The following WDR5 variants were observed in gnomAD, a reference collection of about 807,000 sequenced individuals.
WDR5 encodes the protein WD repeat domain 5, also known as WD repeat-containing protein 5.
For missense variants in WDR5, 187 were observed against 416.9 expected, an observed-to-expected ratio of 0.45 and a Z score of 4.80; for synonymous variants, 144 against 161.6, an observed-to-expected ratio of 0.89 and a Z score of 0.83.
At chr9:134,140,121 T>G (rs1831804699) in intron 2 of WDR5, among the ~76,000 whole-genome samples, 163 bp downstream of exon 2, 1 of 152,248 alleles carries the variant, frequency 6.6e-6, no homozygotes, top group Non-Finnish European at 1.5e-5. Flanking sequence ...TTGCCTGCTG[T>G]GTCAGGGATC....
rs1326252877 is a variant in WDR5 at position 134,156,600 on chromosome 9, G to A, written c.904+7G>A. On this transcript the variant is annotated splice_region_variant and intron_variant, in intron 13 of 13. Transcript: ENST00000358625. ...AAACTACAAGGCCACACAGGTGAGG[G>A]CCTGCGCTCCTGCAGTCACTGGCTG... 1 of 1,614,034 alleles carries A rather than the reference G, an allele frequency of 6.2e-7. No homozygotes were observed. Among genetic ancestry groups the A allele is most frequent in the South Asian group, 1.1e-5 (1 of 91,080 alleles).
At chr9:134,141,632 C>A in intron 4 of WDR5, 49 bp downstream of exon 4, 2 of 1,594,604 alleles carry the variant, frequency 1.3e-6, no homozygotes, top group Non-Finnish European at 8.6e-7. Context: ...CAGGGTGGCT[C>A]TAGTGATCAA....
At chr9:134,149,872 C>T (rs968998810) in intron 8 of WDR5, among the ~76,000 whole-genome samples, 1 of 152,152 alleles carries the variant, frequency 6.6e-6, no homozygotes, top group Admixed American at 6.5e-5. Context: ...AGCAGTGCCT[C>T]GGCTCCAGCA....
intron 7 of WDR5, among the ~76,000 whole-genome samples, chr9:134,146,057 C>T (rs1173802311): frequency 2.6e-5 from 4 of 151,536 alleles, no homozygotes; most frequent in African/African-American, 7.3e-5. Flanking sequence ...CTCCACCTCC[C>T]GGGTTCACGC....
chr9:134,141,079 C>T (rs1335719146), intron 3 of WDR5, among the ~76,000 whole-genome samples: 2 of 151,978 alleles, frequency 1.3e-5, no homozygotes, highest in Non-Finnish European at 2.9e-5. Context: ...GTCAGGAGTT[C>T]GAGAGCAGCC....
In WDR5 at chr9:134,155,340, C is replaced by G; in HGVS notation, c.708C>G (p.Asn236Lys). ...CCTCACCCCTCTCTCTGTCTTGCAG[C>G]ACTCTGAAGCTCTGGGACTACAGCA... ...GKYILAATLD[N>K]TLKLWDYSKG... Residue 236 changes from asparagine to lysine, a missense_variant and splice_region_variant, in exon 11 of 14, where the codon AAC becomes AAG. Physicochemically the swap from Asn to Lys is moderately conservative, Grantham distance 94. Coordinates refer to ENST00000358625, the MANE Select transcript of WDR5 (RefSeq NM_017588.3). 10 of 1,605,112 alleles carry G rather than the reference C, an allele frequency of 6.2e-6. No homozygotes were observed. The highest frequency in any genetic ancestry group is 8.5e-6 in the Non-Finnish European group (10 of 1,176,400).
intron 3 of WDR5, 38 bp downstream of exon 3, chr9:134,140,849 G>C: frequency 6.3e-7 from 1 of 1,585,702 alleles, no homozygotes; most frequent in Admixed American, 1.7e-5. Flanking sequence ...TGGGAGAGGC[G>C]GTCTGAGCTG....
At chr9:134,156,143 A>G (rs558652917) in intron 12 of WDR5, among the ~76,000 whole-genome samples, 1 of 152,334 alleles carries the variant, frequency 6.6e-6, no homozygotes, top group African/African-American at 2.4e-5. Context: ...GCCCACCCAC[A>G]CTGGTCTCGA....
chr9:134,142,147 A>G lies in WDR5; in HGVS notation c.354+109A>G, dbSNP rs574583275. 94 of 609,800 alleles carry G rather than the reference A, an allele frequency of 1.5e-4. No homozygotes were observed. The East Asian group carries it at 5.1e-3, about 33-fold the overall frequency. 37.8% of individuals were successfully genotyped at this position (609,800 alleles called of 1,614,324 possible). A position where few individuals can be genotyped will look rare whatever the true frequency, so the allele number is the denominator to read the frequency against. On this transcript the variant is annotated intron_variant, in intron 5 of 13. Coordinates refer to ENST00000358625, the MANE Select transcript of WDR5 (RefSeq NM_017588.3). ...TAAGCAACACTCAGCGCTCCTCTCC[A>G]GGGAAGACTGGCTGCAGGGGCATGG... is the stretch of plus-strand genomic sequence containing the variant.
intron 8 of WDR5, among the ~76,000 whole-genome samples, chr9:134,149,310 G>T (rs987130020): frequency 7.2e-5 from 11 of 152,242 alleles, no homozygotes; most frequent in Admixed American, 6.5e-4. Context: ...GCCTCGCAAG[G>T]TTCAAGCTGC....
intron 2 of WDR5, among the ~76,000 whole-genome samples, chr9:134,140,201 C>T (rs1001777975): frequency 6.6e-6 from 1 of 152,186 alleles, no homozygotes; most frequent in Non-Finnish European, 1.5e-5. Context: ...TTGTAAGAGT[C>T]TCTGTAGGAA....
intron 4 of WDR5, 36 bp from the exon 5 acceptor site, chr9:134,141,913 C>G (rs756762190): frequency 1.1e-5 from 18 of 1,594,792 alleles, no homozygotes; most frequent in Non-Finnish European, 3.4e-6. Flanking sequence ...CCTATTTTGT[C>G]CTGTCAAGTT....
At chr9:134,156,265 A>G (rs1021692013) in intron 12 of WDR5, among the ~76,000 whole-genome samples, 2 of 152,364 alleles carry the variant, frequency 1.3e-5, no homozygotes, top group Admixed American at 1.3e-4. Context: ...TGGGGCAGGC[A>G]GGTGCCTGGC....
At chr9:134,145,096 G>GTTTTTTGTTTTTTTTTT (rs1316019740) in intron 7 of WDR5, among the ~76,000 whole-genome samples, 5 of 104,720 alleles carry the variant, frequency 4.8e-5, no homozygotes, top group Admixed American at 1.3e-4. Context: ...GTGGGGCTTT[G>GTTTTTTGTTTTTTTTTT]TTTTTTTTTT....
At chr9:134,145,096 G>GTTTTTTGTTTTTTTT (rs1316019740) in intron 7 of WDR5, among the ~76,000 whole-genome samples, 15 of 104,664 alleles carry the variant, frequency 1.4e-4, no homozygotes, top group African/African-American at 2.4e-4. Flanking sequence ...GTGGGGCTTT[G>GTTTTTTGTTTTTTTT]TTTTTTTTTT....
chr9:134,152,128 C>T (rs941170389), intron 9 of WDR5, 99 bp downstream of exon 9: 2 of 1,396,900 alleles, frequency 1.4e-6, no homozygotes, highest in Non-Finnish European at 2.0e-6. Flanking sequence ...CCTCCTCTGC[C>T]CTGGGTCCGC....
rs28626885 is a variant in WDR5, at chr9:134,158,756, C to A, written c.*763C>A. On this transcript the variant is annotated 3_prime_UTR_variant, in exon 14 of 14. Transcript: ENST00000358625. ...TTCTTGGAGAAAGGCTCCCCTGGGG[C>A]AAGAGGGTGGAAGGTTTCTTTGGAC... 0.077 allele frequency: 11,646 copies of A among 152,070 alleles called. 903 individuals carry two copies. Among genetic ancestry groups the A allele is most frequent in the African/African-American group, 0.2 (8,427 of 41,412 alleles). 9.4% of individuals were successfully genotyped at this position (152,070 alleles called of 1,614,324 possible).
At chr9:134,154,397 G>C in intron 9 of WDR5, 69 bp from the exon 10 acceptor site, 1 of 1,517,334 alleles carries the variant, frequency 6.6e-7, no homozygotes, top group Non-Finnish European at 9.1e-7. Context: ...GATGGGGAGC[G>C]GGTCCCACCT....
At chr9:134,152,797 T>A (rs2132574366) in intron 9 of WDR5, among the ~76,000 whole-genome samples, 1 of 152,300 alleles carries the variant, frequency 6.6e-6, no homozygotes, top group East Asian at 1.9e-4. Context: ...TGGGAGGCTA[T>A]CTGTGGCAGG....
Sources: gnomAD v4.1 joint callset for allele counts (sites outside exome capture counted in the v4.1 genomes callset) on GRCh38, gnomAD v4.1.1 for gene constraint, MANE v1.5 for transcripts, NCBI Gene and HGNC (gene_info 2026-07-23, HGNC 2026-07-21) for gene names.